DPEP2: variants seen among roughly 807,000 people sequenced by gnomAD.
DPEP2 encodes the protein dipeptidase 2.
A neutral mutation model predicts 51.8 loss-of-function variants in DPEP2; 45 were observed. The observed-to-expected ratio is 0.87, with a 90% confidence interval of 0.68 to 1.11. The LOEUF (loss-of-function observed/expected upper bound fraction) is 1.11, where lower values mean the gene tolerates loss of function less well. Ranked by LOEUF, DPEP2 falls within the 50% of genes most tolerant of loss-of-function variation. The probability of loss-of-function intolerance (pLI) is 0.00; values close to 1 mark genes in which losing one functional copy is unlikely to be tolerated. For synonymous variants in DPEP2, 255 were observed against 262.7 expected, an observed-to-expected ratio of 0.97 and a Z score of 0.28; for missense variants, 604 against 631.9, an observed-to-expected ratio of 0.96 and a Z score of 0.47.
chr16:67,994,059 C>T (rs536716038), intron 1 of DPEP2: 2 of 985,662 alleles, frequency 2.0e-6, no homozygotes, highest in East Asian at 1.1e-4. Context: ...CTGGCCACTG[C>T]CAGGGAACAT....
In DPEP2 at chr16:67,992,649, C is replaced by G; in HGVS notation, c.264-13G>C. 6.2e-7 allele frequency: 1 copy of G among 1,610,586 alleles called. No individual in the cohort carries two copies. The highest frequency in any genetic ancestry group is 8.5e-7 in the Non-Finnish European group (1 of 1,177,454). ...CAGGTCGTTGTGGCTGGAGGGATGT[C>G]AAGCCAGGGTCAGGTGAAGAACAGA... is the stretch of plus-strand genomic sequence containing the variant. On this transcript the variant is annotated splice_polypyrimidine_tract_variant and intron_variant, in intron 2 of 10. Transcript: ENST00000393847.
At chr16:67,993,485 C>G in intron 1 of DPEP2, 1 of 1,222,000 alleles carries the variant, frequency 8.2e-7, no homozygotes, top group Non-Finnish European at 1.0e-6. Flanking sequence ...TCCTGGGCGC[C>G]CACTCGCGGC....
In DPEP2 at chr16:67,993,273, G is replaced by A. The variant is rs533710455; in HGVS notation, c.-45-16C>T. The A allele has an allele frequency of 2.2e-6, 3 of 1,385,998 alleles. No homozygotes were observed. Among genetic ancestry groups the A allele is most frequent in the South Asian group, 3.2e-5 (2 of 61,900 alleles). 85.9% of individuals were successfully genotyped at this position (1,385,998 alleles called of 1,614,324 possible). A position where few individuals can be genotyped will look rare whatever the true frequency, so the allele number is the denominator to read the frequency against. On this transcript the variant is annotated splice_polypyrimidine_tract_variant and intron_variant, in intron 1 of 10. Transcript: ENST00000393847. ...GTCAGAGAGCCTGAGAGGGGCGGGC[G>A]AGGGGCAGAGCGCGACGATGGAGTC...
chr16:68,000,562 G>GAA (rs2032959606), upstream of DPEP2: 1 of 907,048 alleles, frequency 1.1e-6, no homozygotes, highest in South Asian at 5.1e-5. Context: ...GTCTGATACA[G>GAA]ACAATTCCCA....
chr16:67,988,324 C>T (rs973266737), intron 9 of DPEP2, among the ~76,000 whole-genome samples: 8 of 151,828 alleles, frequency 5.3e-5, no homozygotes, highest in African/African-American at 1.9e-4. Context: ...GTGGGCGGAT[C>T]ACTTGAGGTC....
At chr16:67,995,302 C>T (rs2032626848) in intron 1 of DPEP2, among the ~76,000 whole-genome samples, 1 of 152,094 alleles carries the variant, frequency 6.6e-6, no homozygotes, top group Non-Finnish European at 1.5e-5. Context: ...TCACCTTGGC[C>T]TCCCAAAGTG....
intron 1 of DPEP2, among the ~76,000 whole-genome samples, chr16:67,995,441 G>C (rs954257947): frequency 3.9e-5 from 6 of 152,138 alleles, no homozygotes; most frequent in Admixed American, 2.6e-4. Flanking sequence ...GATCTGGGTG[G>C]TTTGGGTACC....
chr16:67,988,149 C>T, intron 9 of DPEP2, 162 bp from the exon 10 acceptor site: 1 of 759,618 alleles, frequency 1.3e-6, no homozygotes, highest in Non-Finnish European at 2.1e-6. Context: ...AGAAGGAGGC[C>T]TCAAAACCTC....
At chr16:67,997,935 T>A (rs1005456506) in intron 1 of DPEP2, among the ~76,000 whole-genome samples, 2 of 152,186 alleles carry the variant, frequency 1.3e-5, no homozygotes, top group Non-Finnish European at 2.9e-5. Context: ...TTGTTTCCAC[T>A]CTGCCCACTG....
In DPEP2 at chr16:67,993,264, G is replaced by A; in HGVS notation, c.-45-7C>T. ...GGGGTGGCAGTCAGAGAGCCTGAGA[G>A]GGGCGGGCGAGGGGCAGAGCGCGAC... is the stretch of plus-strand genomic sequence containing the variant. On this transcript the variant is annotated splice_region_variant and splice_polypyrimidine_tract_variant and intron_variant, in intron 1 of 10. Transcript: ENST00000393847. 1 of 1,396,884 alleles carries A rather than the reference G, an allele frequency of 7.2e-7. No individual in the cohort carries two copies. Among genetic ancestry groups the A allele is most frequent in the Admixed American group, 3.2e-5 (1 of 31,628 alleles). 86.5% of individuals were successfully genotyped at this position (1,396,884 alleles called of 1,614,324 possible).
intron 8 of DPEP2, 24 bp from the exon 9 acceptor site, chr16:67,989,422 T>G (rs774567834): frequency 6.2e-7 from 1 of 1,613,780 alleles, no homozygotes; most frequent in Admixed American, 1.7e-5. Context: ...AGGTGGACAG[T>G]CAGCTGCGTA....
chr16:67,992,348 C>G, intron 3 of DPEP2, 155 bp from the exon 4 acceptor site: 1 of 912,592 alleles, frequency 1.1e-6, no homozygotes, highest in Non-Finnish European at 1.3e-6. Flanking sequence ...ACCAAGCTGG[C>G]TCACTGTAGC....
chr16:68,000,611 A>G (rs1458953948), upstream of DPEP2: 2 of 497,682 alleles, frequency 4.0e-6, no homozygotes, highest in African/African-American at 4.2e-5. Context: ...CAGCCTGGCC[A>G]CTGTAGACAA....
chr16:67,998,679 T>C (rs956273325), intron 1 of DPEP2, among the ~76,000 whole-genome samples: 1 of 152,236 alleles, frequency 6.6e-6, no homozygotes, highest in Non-Finnish European at 1.5e-5. Flanking sequence ...GTTGTGCTCC[T>C]GAGTCTGGTG....
intron 1 of DPEP2, among the ~76,000 whole-genome samples, chr16:67,995,483 T>C (rs1334836273): frequency 6.6e-6 from 1 of 152,134 alleles, no homozygotes; most frequent in African/African-American, 2.4e-5. Context: ...CTCTCCATCA[T>C]CCACTGCTGG....
intron 7 of DPEP2, 21 bp from the exon 8 acceptor site, chr16:67,990,152 A>T: frequency 1.2e-6 from 2 of 1,612,878 alleles, no homozygotes; most frequent in East Asian, 2.2e-5. Context: ...GGGCAAGTGG[A>T]CACTTAGCCT....
chr16:67,993,901 C>G, intron 1 of DPEP2: 5 of 985,534 alleles, frequency 5.1e-6, no homozygotes, highest in Non-Finnish European at 4.8e-6. Context: ...TCTGGGGAAT[C>G]TCCCAGCTAC....
chr16:67,988,092 T>C (rs2031637151), intron 9 of DPEP2, 105 bp from the exon 10 acceptor site: 3 of 1,435,464 alleles, frequency 2.1e-6, no homozygotes, highest in Non-Finnish European at 1.9e-6. Context: ...GTATGGGAAG[T>C]GGAGACTTGG....
Position 67,987,441 on chromosome 16 carries a change from A to G in DPEP2, c.*65T>C. On this transcript the variant is annotated 3_prime_UTR_variant, in exon 11 of 11. Coordinates refer to ENST00000393847, the MANE Select transcript of DPEP2 (RefSeq NM_022355.4). ...TTCAGGAAATATTTGTGCCTGCACA[A>G]CAGGGGAACTTTGTGGGGTGTCTGT... is the stretch of plus-strand genomic sequence containing the variant. 1 of 1,560,146 alleles carries G rather than the reference A, an allele frequency of 6.4e-7. No homozygotes were observed. The highest frequency in any genetic ancestry group is 1.4e-5 in the African/African-American group (1 of 73,702).
Sources: gnomAD v4.1 joint callset for allele counts (sites outside exome capture counted in the v4.1 genomes callset) on GRCh38, gnomAD v4.1.1 for gene constraint, MANE v1.5 for transcripts, NCBI Gene and HGNC (gene_info 2026-07-23, HGNC 2026-07-21) for gene names.